Variants in DENND1A observed in about 807,000 individuals in gnomAD.
The protein encoded by DENND1A is DENN domain containing 1A, also known as DENN domain-containing protein 1A.
A neutral mutation model predicts 113.7 loss-of-function variants in DENND1A; 51 were observed. The observed-to-expected ratio is 0.45, with a 90% CI of 0.36 to 0.57. The LOEUF (loss-of-function observed/expected upper bound fraction) is 0.57. Among genes scored for constraint, DENND1A ranks in the 20% least tolerant of loss-of-function variants. DENND1A has a pLI of 0.00. For synonymous variants in DENND1A, 565 were observed against 570.8 expected (o/e 0.99, Z 0.14); for missense variants, 1,258 against 1,395.9 (o/e 0.90, Z 1.57).
chr9:123,715,875 C>T (rs2066942401), intron 5 of DENND1A, among the ~76,000 whole-genome samples: 1 of 152,008 alleles, frequency 6.6e-6, no homozygotes, highest in Non-Finnish European at 1.5e-5. Context: ...GGGGTTTTGC[C>T]ATGTTGCCCA....
chr9:123,577,125 T>C (rs1589211712), intron 12 of DENND1A, among the ~76,000 whole-genome samples: 1 of 151,268 alleles, frequency 6.6e-6, no homozygotes, highest in Non-Finnish European at 1.5e-5. Flanking sequence ...GTTAGCCCTC[T>C]TGATATTATG....
chr9:123,679,722 A>T (rs2064320331), intron 5 of DENND1A, among the ~76,000 whole-genome samples: 1 of 152,156 alleles, frequency 6.6e-6, no homozygotes, highest in African/African-American at 2.4e-5. Context: ...AGCCGCCACA[A>T]CAGCTTGCGC....
chr9:123,859,030 T>G (rs1312553784), intron 2 of DENND1A, among the ~76,000 whole-genome samples: 5 of 152,150 alleles, frequency 3.3e-5, no homozygotes, highest in African/African-American at 1.2e-4. Context: ...GCCCTAAGGT[T>G]CTTGAGAACC....
At chr9:123,529,053 T>C (rs1311692644) in intron 13 of DENND1A, among the ~76,000 whole-genome samples, 2 of 152,220 alleles carry the variant, frequency 1.3e-5, no homozygotes, top group African/African-American at 2.4e-5. Context: ...TCATATTGCA[T>C]TGCAACTGTG....
intron 13 of DENND1A, among the ~76,000 whole-genome samples, chr9:123,547,080 A>G (rs2056749899): frequency 6.6e-6 from 1 of 152,228 alleles, no homozygotes; most frequent in African/African-American, 2.4e-5. Context: ...CAAGGTAACA[A>G]GACTCTCAAA....
chr9:123,600,663 T>A (rs893099969), intron 11 of DENND1A, among the ~76,000 whole-genome samples: 7 of 152,132 alleles, frequency 4.6e-5, no homozygotes, highest in Admixed American at 2.0e-4. Flanking sequence ...GATTTCTGAT[T>A]TAAACAAAGG....
intron 1 of DENND1A, among the ~76,000 whole-genome samples, chr9:123,886,516 A>G (rs1849113485): frequency 6.6e-6 from 1 of 152,236 alleles, no homozygotes; most frequent in Non-Finnish European, 1.5e-5. Context: ...TGTACCGTTT[A>G]AAAATTCATA....
intron 13 of DENND1A, among the ~76,000 whole-genome samples, chr9:123,552,037 G>GAC (rs1259630809): frequency 1.1e-5 from 1 of 95,106 alleles, no homozygotes; most frequent in Non-Finnish European, 2.1e-5. Context: ...GAGAGAGAGA[G>GAC]ACAGAGAGAG....
At chr9:123,874,550 C>T (rs1847154483) in intron 2 of DENND1A, among the ~76,000 whole-genome samples, 2 of 152,088 alleles carry the variant, frequency 1.3e-5, no homozygotes, top group South Asian at 4.1e-4. Context: ...ACACTTGAGC[C>T]CAGGAGTTCG....
intron 11 of DENND1A, among the ~76,000 whole-genome samples, chr9:123,599,195 T>C (rs1420724385): frequency 6.6e-6 from 1 of 152,240 alleles, no homozygotes. Flanking sequence ...AACCTACTTC[T>C]TTTGTAGCCT....
chr9:123,740,896 A>AAGTGAG (rs2068950218), intron 5 of DENND1A, among the ~76,000 whole-genome samples: 1 of 33,962 alleles, frequency 2.9e-5, no homozygotes, highest in Non-Finnish European at 6.4e-5. Context: ...GAGGAAGGGA[A>AAGTGAG]AGTGAGAGAG....
chr9:123,534,783 T>A (rs1356896822), intron 13 of DENND1A, among the ~76,000 whole-genome samples: 1 of 152,228 alleles, frequency 6.6e-6, no homozygotes, highest in Non-Finnish European at 1.5e-5. Context: ...AAACGTCTGA[T>A]CATATCTTTC....
chr9:123,452,340 C>T lies in DENND1A; in HGVS notation c.1235G>A (p.Ser412Asn). 1 of 1,614,194 alleles carries T rather than the reference C, an allele frequency of 6.2e-7. No homozygotes were observed. The highest frequency in any genetic ancestry group is 8.5e-7 in the Non-Finnish European group (1 of 1,180,002). ...HQWLSTVRKG[S>N]GAILNTVKTK... is the part of the protein sequence containing the mutation. Reference sequence around the variant, plus strand: ...CTTTACAGTATTCAGAATTGCTCCACTTCCTTTCTATAATAAAAATGTCAA... The same window carrying T: ...CTTTACAGTATTCAGAATTGCTCCATTTCCTTTCTATAATAAAAATGTCAA... The change falls in exon 17 of 24, where the codon AGT becomes AAT. Residue 412 changes from serine to asparagine, a missense_variant. Transcript: ENST00000394215.
intron 11 of DENND1A, among the ~76,000 whole-genome samples, chr9:123,605,996 T>C (rs1006619016): frequency 6.6e-6 from 1 of 152,172 alleles, no homozygotes; most frequent in South Asian, 2.1e-4. Flanking sequence ...AGAAAACTAG[T>C]GTAGCGAGAG....
chr9:123,483,331 T>C (rs553989515), intron 13 of DENND1A, among the ~76,000 whole-genome samples: 1 of 152,320 alleles, frequency 6.6e-6, no homozygotes, highest in East Asian at 1.9e-4. Flanking sequence ...ATGCCGATGG[T>C]GGTCCAGAGA....
At chr9:123,802,567 T>C (rs1000217315) in intron 2 of DENND1A, among the ~76,000 whole-genome samples, 1 of 152,288 alleles carries the variant, frequency 6.6e-6, no homozygotes, top group African/African-American at 2.4e-5. Context: ...ATAATTGAAA[T>C]CCCCTTAGTA....
intron 5 of DENND1A, among the ~76,000 whole-genome samples, chr9:123,721,860 T>C (rs188984301): frequency 1.4e-4 from 22 of 152,242 alleles, no homozygotes; most frequent in African/African-American, 5.3e-4. Flanking sequence ...TTATCAGCAG[T>C]GTGAAAACAG....
chr9:123,895,876 A>G (rs1374390429), intron 1 of DENND1A, among the ~76,000 whole-genome samples: 4 of 152,192 alleles, frequency 2.6e-5, no homozygotes, highest in Non-Finnish European at 4.4e-5. Context: ...AAGGTGATGA[A>G]GAAAGAAACC....
chr9:123,425,002 G>A (rs1022826677), intron 19 of DENND1A, among the ~76,000 whole-genome samples: 3 of 152,198 alleles, frequency 2.0e-5, no homozygotes, highest in African/African-American at 7.2e-5. Context: ...CAGGGCTAGG[G>A]ACTGATGGTG....
Sources: allele counts gnomAD v4.1 joint callset (sites outside exome capture counted in the v4.1 genomes callset), GRCh38; gene constraint gnomAD v4.1.1; transcripts MANE v1.5; gene names NCBI Gene and HGNC (gene_info 2026-07-23, HGNC 2026-07-21).